The following PICALM variants were observed in gnomAD, a reference collection of about 807,000 sequenced individuals.
The protein encoded by PICALM is phosphatidylinositol binding clathrin assembly protein.
A neutral mutation model predicts 80.5 loss-of-function variants in PICALM; 40 were observed. The ratio of observed to expected loss-of-function variants is 0.50; its 90% CI spans 0.39 to 0.65. The LOEUF (loss-of-function observed/expected upper bound fraction) is 0.65. Ranked by LOEUF, PICALM falls within the 30% of genes least tolerant of loss-of-function variation. The pLI is 0.00. For synonymous variants in PICALM, 288 were observed against 260.3 expected (o/e 1.11, Z -1.02); for missense variants, 676 against 778.9 (o/e 0.87, Z 1.57).
chr11:86,035,661 G>A (rs984156826), intron 1 of PICALM, among the ~76,000 whole-genome samples: 4 of 152,034 alleles, frequency 2.6e-5, no homozygotes, highest in Non-Finnish European at 4.4e-5. Context: ...CTGGAGATAC[G>A]GCTGGGCACG....
At chr11:86,017,522 G>A (rs1419038488) in intron 4 of PICALM, among the ~76,000 whole-genome samples, 1 of 152,128 alleles carries the variant, frequency 6.6e-6, no homozygotes, top group Non-Finnish European at 1.5e-5. Flanking sequence ...TTTGTTATGT[G>A]TTAAGCACTA....
intron 2 of PICALM, 45 bp from the exon 3 acceptor site, chr11:86,026,412 C>A: frequency 8.7e-7 from 1 of 1,151,406 alleles, no homozygotes; most frequent in Non-Finnish European, 1.3e-6. Flanking sequence ...GCCATCTCAC[C>A]AACTCTAATT....
At chr11:86,009,835 T>C in intron 7 of PICALM, among the ~76,000 whole-genome samples, 1 of 152,374 alleles carries the variant, frequency 6.6e-6, no homozygotes, top group Non-Finnish European at 1.5e-5. Context: ...CACCTTCTTC[T>C]GTTTTAGTAC....
At chr11:86,068,569 G>A in intron 1 of PICALM, 82 bp downstream of exon 1, 2 of 1,357,480 alleles carry the variant, frequency 1.5e-6, no homozygotes, top group South Asian at 1.3e-5. Context: ...CAGTAGAAGG[G>A]TGAAAGACAA....
chr11:85,961,553 A>C (rs2093688869), intron 19 of PICALM, among the ~76,000 whole-genome samples: 1 of 152,236 alleles, frequency 6.6e-6, no homozygotes, highest in Non-Finnish European at 1.5e-5. Flanking sequence ...CCAAACACAG[A>C]CTATTCCTGA....
intron 13 of PICALM, among the ~76,000 whole-genome samples, chr11:85,987,549 T>C (rs2094611183): frequency 6.6e-6 from 1 of 152,226 alleles, no homozygotes; most frequent in African/African-American, 2.4e-5. Flanking sequence ...AAAAAATCAA[T>C]GTTTAGGATT....
intron 1 of PICALM, among the ~76,000 whole-genome samples, chr11:86,063,028 G>C (rs1472555195): frequency 6.6e-6 from 1 of 152,150 alleles, no homozygotes; most frequent in Admixed American, 6.5e-5. Context: ...TTTATTTTAA[G>C]TGAGAAACCA....
chr11:85,968,044 C>A (rs890034048), intron 19 of PICALM, among the ~76,000 whole-genome samples: 2 of 152,200 alleles, frequency 1.3e-5, no homozygotes, highest in African/African-American at 4.8e-5. Flanking sequence ...AAGAAACCAA[C>A]AAAACTTGGC....
Position 86,003,366 on chromosome 11 carries a change from C to A in PICALM, c.893G>T (p.Arg298Met). 6.3e-7 allele frequency: 1 copy of A among 1,576,446 alleles called. No individual in the cohort carries two copies. Among genetic ancestry groups the A allele is most frequent in the Non-Finnish European group, 8.7e-7 (1 of 1,151,668 alleles). Reference sequence around the variant, plus strand: ...TTTTGGCCTACAAAGAATGATATACCTGCTTGCAGCTGTAGAATCTTTGAT... The same window carrying A: ...TTTTGGCCTACAAAGAATGATATACATGCTTGCAGCTGTAGAATCTTTGAT... ...KKIKDSTAAS[R>M]ATTLSNAVSS... The change falls in exon 9 of 20, where the codon AGG becomes ATG. Residue 298 changes from arginine (R) to methionine (M), a missense_variant and splice_region_variant. Physicochemically the swap from Arg to Met is moderately conservative, Grantham distance 91. Transcript: ENST00000393346.
At chr11:86,002,484 A>T (rs754581231) in intron 9 of PICALM, among the ~76,000 whole-genome samples, 2 of 152,234 alleles carry the variant, frequency 1.3e-5, no homozygotes, top group Non-Finnish European at 2.9e-5. Flanking sequence ...CCAGACTGAT[A>T]TGAAATGATT....
At chr11:85,984,020 C>A in intron 13 of PICALM, 47 bp from the exon 14 acceptor site, 1 of 803,390 alleles carries the variant, frequency 1.2e-6, no homozygotes, top group Non-Finnish European at 2.1e-6. Flanking sequence ...AATAACTCTA[C>A]ATTTACGACT....
chr11:86,065,481 TA>T (rs1395061842), intron 1 of PICALM, among the ~76,000 whole-genome samples: 7 of 152,060 alleles, frequency 4.6e-5, no homozygotes, highest in African/African-American at 1.4e-4. Context: ...CTGCAATAAT[TA>T]TGGTTCTTTT....
intron 5 of PICALM, 136 bp from the exon 6 acceptor site, chr11:86,012,528 T>C (rs1195031401): frequency 5.4e-6 from 3 of 554,994 alleles, no homozygotes; most frequent in East Asian, 2.9e-5. Context: ...TTTTCTCTAA[T>C]ACATACATAA....
At chr11:86,027,022 T>C (rs1258264434) in intron 2 of PICALM, among the ~76,000 whole-genome samples, 2 of 152,248 alleles carry the variant, frequency 1.3e-5, no homozygotes, top group African/African-American at 4.8e-5. Flanking sequence ...TATCATAGTG[T>C]ACTTACTCTT....
In PICALM at chr11:86,001,045, T is replaced by C. The variant is rs754921696; in HGVS notation, c.1007A>G (p.Lys336Arg). 6.2e-7 allele frequency: 1 copy of C among 1,614,090 alleles called. No individual in the cohort carries two copies. The highest frequency in any genetic ancestry group is 2.2e-5 in the East Asian group (1 of 44,886). Residue 336 changes from lysine to arginine, a missense_variant, in exon 10 of 20, where the codon AAA becomes AGA. By Grantham distance (26) the Lys-to-Arg change is conservative. Around this residue, in one of 2 missense-constraint regions of PICALM, gnomAD observed 391 missense variants for 383.6 expected, o/e 1.02. Transcript: ENST00000393346. ...AATGCACAAACTTACCTTTAAAGCT[T>C]TCAAACGTGCCTGTTCTTCCTCTAA... ...AALEEEQARL[K>R]ALKEQRLKEL...
In PICALM at chr11:85,983,940, G is replaced by C; in HGVS notation, c.1442C>G (p.Pro481Arg). Reference sequence around the variant, plus strand: ...AAAGTCAACATTAAGGCCAGCTGAAGGGTGTGGCTGTGCAACTGGAGAAGG... The same window carrying C: ...AAAGTCAACATTAAGGCCAGCTGAACGGTGTGGCTGTGCAACTGGAGAAGG... ...FTPSPVAQPH[P>R]SAGLNVDFES... The change falls in exon 14 of 20, where the codon CCT becomes CGT. Residue 481 changes from proline to arginine, a missense_variant. By Grantham distance (103) the Pro-to-Arg change is moderately radical (BLOSUM62 -2). This residue lies in a region of PICALM where 391 missense variants were observed against 383.6 expected (regional missense o/e 1.02). Transcript: ENST00000393346. The C allele has an allele frequency of 6.2e-7, 1 of 1,601,942 alleles. No homozygotes were observed. The highest frequency in any genetic ancestry group is 1.7e-5 in the Admixed American group (1 of 59,678).
At chr11:86,009,180 C>T (rs1227222786) in intron 7 of PICALM, among the ~76,000 whole-genome samples, 1 of 149,268 alleles carries the variant, frequency 6.7e-6, no homozygotes, top group African/African-American at 2.5e-5. Context: ...GTAATCCCAG[C>T]TACCCAGGAA....
At chr11:86,030,495 C>T (rs1452252365) in intron 2 of PICALM, among the ~76,000 whole-genome samples, 2 of 152,150 alleles carry the variant, frequency 1.3e-5, no homozygotes, top group African/African-American at 4.8e-5. Context: ...AGGCACATAC[C>T]GAAGAAGATT....
rs1315552216 is a variant in PICALM at position 86,065,290 on chromosome 11, A to G, written c.130+3361T>C. ...GTGAAACCCCATCTCTACTAAAAAT[A>G]CAAAAATTAGCTGGGTGTGGTGGCA... On this transcript the variant is annotated intron_variant, in intron 1 of 19. Transcript: ENST00000393346. 1.2e-4 allele frequency among the ~76,000 whole-genome samples: 19 copies of G among 152,088 alleles called. 1 individual carries two copies. Among genetic ancestry groups the G allele is most frequent in the Non-Finnish European group, 2.4e-4 (16 of 68,006 alleles).
Sources: gnomAD v4.1 joint callset for allele counts (sites outside exome capture counted in the v4.1 genomes callset) on GRCh38, gnomAD v4.1.1 for gene constraint, gnomAD v4.1.1 regional missense constraint, MANE v1.5 for transcripts, NCBI Gene and HGNC (gene_info 2026-07-23, HGNC 2026-07-21) for gene names.